The following PATJ variants were observed in gnomAD, a reference collection of about 807,000 sequenced individuals.
PATJ encodes the protein PATJ crumbs cell polarity complex component.
Under a neutral mutation model 224.9 loss-of-function variants are expected in PATJ, and 190 were observed. That is an observed-to-expected ratio of 0.84 (90% CI 0.75 to 0.95). The LOEUF (loss-of-function observed/expected upper bound fraction) is 0.95. Among genes scored for constraint, PATJ ranks in the 40% least tolerant of loss-of-function variants. PATJ has a pLI of 0.00. For synonymous variants in PATJ, 769 were observed against 820.3 expected, an observed-to-expected ratio of 0.94 and a Z score of 1.07; for missense variants, 2,121 against 2,270.3, an observed-to-expected ratio of 0.93 and a Z score of 1.34.
In PATJ at chr1:61,812,433, A is replaced by AGAGAGTGT. The variant is rs1397549346; in HGVS notation, c.1683+3904_1683+3905insAGAGTGTG. On this transcript the variant is annotated intron_variant, in intron 14 of 43. Coordinates refer to ENST00000642238, the MANE Select transcript of PATJ (RefSeq NM_001350145.3). ...GAGAGAGAGAGAGAGAGAGAGAGAG[A>AGAGAGTGT]GTGTGTGTGTGTGTGTGTGTGTGTG... Among the ~76,000 whole-genome samples, 402 of 85,174 alleles carry AGAGAGTGT rather than the reference A, an allele frequency of 4.7e-3. 5 individuals carry two copies. The highest frequency in any genetic ancestry group is 0.017 in the African/African-American group (372 of 22,368). The allele number at this position is 85,174 out of a possible 152,430, so 55.9% of individuals were successfully genotyped here.
intron 39 of PATJ, among the ~76,000 whole-genome samples, chr1:62,125,239 AAAAAAAAAAAAAAACAAAAAAAAAC>A (rs1209307810): frequency 9.1e-6 from 1 of 110,322 alleles, no homozygotes; most frequent in African/African-American, 3.6e-5. Flanking sequence ...CCTGTCTCAA[AAAAAAAAAAAAAAACAAAAAAAAAC>A]AAAAAAAAAA....
chr1:61,794,388 T>TC (rs1166119605), intron 9 of PATJ, among the ~76,000 whole-genome samples: 1 of 149,936 alleles, frequency 6.7e-6, no homozygotes, highest in Non-Finnish European at 1.5e-5. Flanking sequence ...CAGGTGATCC[T>TC]CCCCCCTCAG....
At chr1:62,045,769 A>G (rs1186008167) in intron 30 of PATJ, among the ~76,000 whole-genome samples, 2 of 151,730 alleles carry the variant, frequency 1.3e-5, no homozygotes, top group African/African-American at 4.9e-5. Context: ...ACTCTAATTC[A>G]CTCGTGCCTT....
At chr1:61,805,762 C>T (rs527741343) in intron 13 of PATJ, among the ~76,000 whole-genome samples, 10 of 152,134 alleles carry the variant, frequency 6.6e-5, no homozygotes, top group Non-Finnish European at 8.8e-5. Context: ...ACACTCAGTT[C>T]GTGTTGAAAC....
At chr1:62,107,695 T>C (rs1391678044) in intron 33 of PATJ, among the ~76,000 whole-genome samples, 1 of 152,208 alleles carries the variant, frequency 6.6e-6, no homozygotes, top group Non-Finnish European at 1.5e-5. Context: ...ACTTGAATCC[T>C]ATACGTGGGT....
chr1:62,006,259 C>T (rs761201492), intron 28 of PATJ, among the ~76,000 whole-genome samples: 5 of 152,088 alleles, frequency 3.3e-5, no homozygotes, highest in African/African-American at 4.8e-5. Context: ...GGATTACAGG[C>T]GCATGCCGCC....
intron 28 of PATJ, among the ~76,000 whole-genome samples, chr1:62,005,386 G>C (rs750830497): frequency 6.8e-6 from 1 of 147,692 alleles, no homozygotes; most frequent in Non-Finnish European, 1.5e-5. Context: ...TAGATTAAAA[G>C]TTAACCTATA....
intron 33 of PATJ, among the ~76,000 whole-genome samples, chr1:62,088,117 C>A (rs978370472): frequency 6.6e-6 from 1 of 152,038 alleles, no homozygotes; most frequent in Non-Finnish European, 1.5e-5. Context: ...TCTTGAACTC[C>A]CGACCTCAGG....
intron 1 of PATJ, among the ~76,000 whole-genome samples, chr1:61,747,836 G>C (rs1645101818): frequency 2.0e-5 from 3 of 152,212 alleles, no homozygotes; most frequent in African/African-American, 7.2e-5. Flanking sequence ...GGTTAGTTAG[G>C]ATTGAAATGT....
At chr1:61,812,431 A>AGTGTGTGT (rs1315887673) in intron 14 of PATJ, among the ~76,000 whole-genome samples, 114 of 109,088 alleles carry the variant, frequency 1.0e-3, no homozygotes, top group Non-Finnish European at 1.3e-3. Flanking sequence ...AGAGAGAGAG[A>AGTGTGTGT]GAGTGTGTGT....
intron 20 of PATJ, among the ~76,000 whole-genome samples, chr1:61,870,530 C>T (rs983191663): frequency 1.3e-5 from 2 of 152,108 alleles, no homozygotes; most frequent in East Asian, 3.9e-4. Flanking sequence ...CAGGGACCTG[C>T]CCTTAAATTT....
At chr1:61,755,870 C>T (rs541822722) in intron 1 of PATJ, among the ~76,000 whole-genome samples, 4 of 152,230 alleles carry the variant, frequency 2.6e-5, no homozygotes, top group South Asian at 2.1e-4. Flanking sequence ...GGCATGATCT[C>T]GGCTCACCGC....
chr1:61,873,214 C>T (rs372514270), intron 20 of PATJ, among the ~76,000 whole-genome samples: 4 of 151,924 alleles, frequency 2.6e-5, no homozygotes, highest in South Asian at 4.2e-4. Flanking sequence ...ACTCTTTTGC[C>T]CAGGCTGGAG....
chr1:61,807,404 T>C (rs1374733411), intron 13 of PATJ, among the ~76,000 whole-genome samples: 1 of 152,156 alleles, frequency 6.6e-6, no homozygotes, highest in African/African-American at 2.4e-5. Flanking sequence ...CTCGAACTCC[T>C]GGGCTCAAGT....
At chr1:61,974,405 C>CTTTTTTT (rs149825131) in intron 27 of PATJ, among the ~76,000 whole-genome samples, 35 of 64,256 alleles carry the variant, frequency 5.4e-4, no homozygotes, top group Admixed American at 1.1e-3. Context: ...CTCTCTCTCT[C>CTTTTTTT]TTTTTTTTTT....
At chr1:62,038,307 CA>C (rs1401883206) in intron 30 of PATJ, among the ~76,000 whole-genome samples, 2 of 152,140 alleles carry the variant, frequency 1.3e-5, no homozygotes, top group Admixed American at 1.3e-4. Context: ...CCTAATTGAG[CA>C]TTTCAGAATT....
chr1:62,023,941 C>G (rs895676874), intron 29 of PATJ, among the ~76,000 whole-genome samples: 1 of 152,080 alleles, frequency 6.6e-6, no homozygotes, highest in Non-Finnish European at 1.5e-5. Flanking sequence ...TTTTCTGCAT[C>G]TATTGAGATG....
chr1:62,010,026 T>C (rs948469606), intron 28 of PATJ, among the ~76,000 whole-genome samples: 3 of 139,184 alleles, frequency 2.2e-5, no homozygotes, highest in African/African-American at 5.4e-5. Context: ...GAGGTTACAG[T>C]GAGCCGAGAT....
chr1:62,160,978 A>G lies in PATJ; in HGVS notation c.5573A>G (p.Glu1858Gly), dbSNP rs1446815784. The G allele has an allele frequency of 6.2e-7, 1 of 1,613,482 alleles. No individual in the cohort carries two copies. The highest frequency in any genetic ancestry group is 8.5e-7 in the Non-Finnish European group (1 of 1,179,824). Residue 1858 changes from glutamate to glycine, a missense_variant, in exon 44 of 44, where the codon GAA becomes GGA. Coordinates refer to ENST00000642238, the MANE Select transcript of PATJ (RefSeq NM_001350145.3). The part of the protein sequence containing the change: ...QILAVNGETL[E>G]GVTHEQAVAI... The stretch of plus-strand genomic sequence containing the variant: ...TTAGCTGTTAATGGCGAGACCCTGG[A>G]AGGTGTTACTCATGAGCAAGCAGTC...
Sources: allele counts gnomAD v4.1 joint callset (sites outside exome capture counted in the v4.1 genomes callset), GRCh38; gene constraint gnomAD v4.1.1; transcripts MANE v1.5; gene names NCBI Gene and HGNC (gene_info 2026-07-23, HGNC 2026-07-21).